PTPRD: variants seen among roughly 807,000 people sequenced by gnomAD.
PTPRD encodes the protein receptor-type tyrosine-protein phosphatase delta.
In PTPRD, 34 loss-of-function variants were observed where a neutral mutation model predicts 214.5. The ratio of observed to expected loss-of-function variants is 0.16; its 90% confidence interval spans 0.12 to 0.21. PTPRD has a LOEUF of 0.21. Among genes scored for constraint, PTPRD ranks in the 10% least tolerant of loss-of-function variants. The pLI, the probability that PTPRD is intolerant of heterozygous loss-of-function variation, is 1.00. For synonymous variants in PTPRD, 1,128 were observed against 845.7 expected (o/e 1.33, Z -5.79); for missense variants, 2,545 against 2,398.7 (o/e 1.06, Z -1.27).
chr9:10,449,020 T>C (rs2098818247), intron 2 of PTPRD, among the ~76,000 whole-genome samples: 1 of 151,938 alleles, frequency 6.6e-6, no homozygotes, highest in Non-Finnish European at 1.5e-5. Context: ...ACCCTAGAAC[T>C]TAAAGTATAA....
intron 2 of PTPRD, among the ~76,000 whole-genome samples, chr9:10,472,482 G>A (rs1404128405): frequency 6.7e-6 from 1 of 149,292 alleles, no homozygotes; most frequent in Non-Finnish European, 1.5e-5. Flanking sequence ...TCTTGAGGCA[G>A]GTTGGAGTAG....
intron 11 of PTPRD, among the ~76,000 whole-genome samples, chr9:8,944,563 A>T (rs1303950289): frequency 1.3e-5 from 2 of 152,164 alleles, no homozygotes; most frequent in Non-Finnish European, 1.5e-5. Context: ...ATGAAGTACT[A>T]TTCAGCCATA....
At chr9:8,323,133 A>T (rs1830098315) in intron 44 of PTPRD, among the ~76,000 whole-genome samples, 1 of 152,182 alleles carries the variant, frequency 6.6e-6, no homozygotes, top group Admixed American at 6.6e-5. Flanking sequence ...ACATCCGTTT[A>T]TAGCATGGTT....
intron 9 of PTPRD, among the ~76,000 whole-genome samples, chr9:9,318,478 A>G (rs1215285423): frequency 1.3e-5 from 2 of 152,006 alleles, no homozygotes; most frequent in Non-Finnish European, 2.9e-5. Flanking sequence ...TCTTCTTCTC[A>G]CCTCCAAGCT....
chr9:9,908,320 G>C (rs1347143097), intron 5 of PTPRD, among the ~76,000 whole-genome samples: 2 of 151,926 alleles, frequency 1.3e-5, no homozygotes, highest in African/African-American at 4.8e-5. Context: ...CTGGTATAAA[G>C]GGGGAGTGTC....
chr9:10,401,635 T>G (rs1006556684), intron 2 of PTPRD, among the ~76,000 whole-genome samples: 2 of 147,772 alleles, frequency 1.4e-5, no homozygotes, highest in South Asian at 2.2e-4. Context: ...AGTATTAAAT[T>G]ATCATCTAAT....
At chr9:9,953,922 G>C (rs2093671738) in intron 4 of PTPRD, among the ~76,000 whole-genome samples, 1 of 152,050 alleles carries the variant, frequency 6.6e-6, no homozygotes, top group Non-Finnish European at 1.5e-5. Context: ...GTAAAGGGAG[G>C]ATTTCTTTGC....
At chr9:9,091,935 T>A (rs1006541061) in intron 10 of PTPRD, among the ~76,000 whole-genome samples, 1 of 152,228 alleles carries the variant, frequency 6.6e-6, no homozygotes, top group Non-Finnish European at 1.5e-5. Flanking sequence ...CTCACTAATG[T>A]CACCTTCTAT....
chr9:9,103,668 C>G (rs561499939), intron 10 of PTPRD, among the ~76,000 whole-genome samples: 6 of 151,852 alleles, frequency 4.0e-5, no homozygotes. Context: ...TTTGCAAGTA[C>G]CTCACCTTTC....
At chr9:8,865,226 G>C (rs1045576237) in intron 11 of PTPRD, among the ~76,000 whole-genome samples, 1 of 152,110 alleles carries the variant, frequency 6.6e-6, no homozygotes, top group South Asian at 2.1e-4. Context: ...CAGTACAGGA[G>C]GCAGCATTTG....
chr9:8,465,962 A>C (rs1367139054), intron 31 of PTPRD, among the ~76,000 whole-genome samples: 1 of 151,888 alleles, frequency 6.6e-6, no homozygotes, highest in Non-Finnish European at 1.5e-5. Context: ...TACACTAATG[A>C]AATTCTCTCA....
In PTPRD at chr9:9,102,984, A is replaced by G. The variant is rs147004708; in HGVS notation, c.-143+80320T>C. Among the ~76,000 whole-genome samples, 394 of 152,292 alleles carry G rather than the reference A, an allele frequency of 2.6e-3. 2 individuals carry two copies. The highest frequency in any genetic ancestry group is 8.9e-3 in the African/African-American group (369 of 41,586). On this transcript the variant is annotated intron_variant, in intron 10 of 45. Coordinates refer to ENST00000381196, the MANE Select transcript of PTPRD (RefSeq NM_002839.4). ...TTATTTGTGTCTTTGGTCAGTTTTT[A>G]TGGTCTCTGTGTCTTTGATACTGCA... is the stretch of plus-strand genomic sequence containing the variant.
At chr9:10,336,736 A>G (rs2096850985) in intron 3 of PTPRD, among the ~76,000 whole-genome samples, 1 of 151,654 alleles carries the variant, frequency 6.6e-6, no homozygotes, top group African/African-American at 2.4e-5. Flanking sequence ...CAATCGGCAG[A>G]AACTATAAAG....
intron 3 of PTPRD, among the ~76,000 whole-genome samples, chr9:10,281,830 T>G (rs975747064): frequency 2.0e-5 from 3 of 152,180 alleles, no homozygotes; most frequent in Non-Finnish European, 4.4e-5. Flanking sequence ...GTTTTTTAAG[T>G]GAACATCTTG....
intron 11 of PTPRD, among the ~76,000 whole-genome samples, chr9:8,758,330 T>C (rs2094161861): frequency 6.6e-6 from 1 of 152,182 alleles, no homozygotes; most frequent in African/African-American, 2.4e-5. Flanking sequence ...AGTTAACTCA[T>C]TACATACAAT....
At chr9:8,927,827 G>T (rs1456440282) in intron 11 of PTPRD, among the ~76,000 whole-genome samples, 1 of 152,182 alleles carries the variant, frequency 6.6e-6, no homozygotes, top group Non-Finnish European at 1.5e-5. Flanking sequence ...TCTACCAACA[G>T]TGTAAAAGCA....
At chr9:9,536,242 G>C (rs1226290133) in intron 8 of PTPRD, among the ~76,000 whole-genome samples, 2 of 151,828 alleles carry the variant, frequency 1.3e-5, no homozygotes, top group Non-Finnish European at 2.9e-5. Flanking sequence ...AATCTTATTT[G>C]TGTTTCCATT....
At chr9:10,558,617 T>G (rs1278899202) in intron 2 of PTPRD, among the ~76,000 whole-genome samples, 1 of 152,186 alleles carries the variant, frequency 6.6e-6, no homozygotes, top group Non-Finnish European at 1.5e-5. Context: ...TGTTTTACAA[T>G]TTATGTCACT....
Position 10,153,112 on chromosome 9 carries a change from T to C in PTPRD, c.-544-119322A>G, listed in dbSNP as rs1000351169. 7.2e-5 allele frequency among the ~76,000 whole-genome samples: 11 copies of C among 152,228 alleles called. 1 individual carries two copies. The highest frequency in any genetic ancestry group is 2.4e-4 in the African/African-American group (10 of 41,560). On this transcript the variant is annotated intron_variant, in intron 3 of 45. Transcript: ENST00000381196. ...CTATTTTACATCATGGAAACTATAG[T>C]TAATAATAATACATTGTATGTATGA... is the stretch of plus-strand genomic sequence containing the variant.
Sources: allele counts gnomAD v4.1 joint callset (sites outside exome capture counted in the v4.1 genomes callset), GRCh38; gene constraint gnomAD v4.1.1; transcripts MANE v1.5; gene names NCBI Gene and HGNC (gene_info 2026-07-23, HGNC 2026-07-21).